BDH2: variants seen among roughly 807,000 people sequenced by gnomAD.
BDH2 encodes the protein dehydrogenase/reductase SDR family member 6.
BDH2 carries 24 observed loss-of-function variants against 33.2 expected under a neutral mutation model. The observed-to-expected ratio is 0.72, with a 90% CI of 0.52 to 1.02. BDH2 has a LOEUF of 1.02. BDH2 is among the 50% of genes least tolerant of loss of function. The pLI, the probability that BDH2 is intolerant of heterozygous loss-of-function variation, is 0.00. For synonymous variants in BDH2, 81 were observed against 101.6 expected (o/e 0.80, Z 1.22); for missense variants, 249 against 301.6 (o/e 0.83, Z 1.29).
rs1006949133 is a variant in BDH2 at position 103,091,274 on chromosome 4, T to G, written c.260A>C (p.His87Pro). 1.9e-6 allele frequency: 3 copies of G among 1,610,610 alleles called. No homozygotes were observed. Among genetic ancestry groups the G allele is most frequent in the Non-Finnish European group, 2.5e-6 (3 of 1,177,076 alleles). ...CTCCTCACAATCCAGGACAGTTCCA[T>G]GATGGACAAAACTAGAAGAGTGATT... ...VLFNVAGFVH[H>P]GTVLDCEEKD... The change falls in exon 5 of 10, where the codon CAT becomes CCT. Residue 87 changes from histidine to proline, a missense_variant. Coordinates refer to ENST00000296424, the MANE Select transcript of BDH2 (RefSeq NM_020139.4).
chr4:103,083,011 C>G, intron 7 of BDH2, 82 bp from the exon 8 acceptor site: 1 of 1,248,674 alleles, frequency 8.0e-7, no homozygotes, highest in Non-Finnish European at 1.2e-6. Context: ...TTCCATATGA[C>G]AATCAGTGAG....
chr4:103,096,318 C>G, intron 1 of BDH2, 44 bp from the exon 2 acceptor site: 3 of 1,260,936 alleles, frequency 2.4e-6, no homozygotes, highest in Non-Finnish European at 3.5e-6. Flanking sequence ...AGAACATGAT[C>G]TTGAGCAGGC....
chr4:103,095,116 A>T, intron 3 of BDH2, 87 bp downstream of exon 3: 1 of 998,252 alleles, frequency 1.0e-6, no homozygotes, highest in Non-Finnish European at 1.6e-6. Flanking sequence ...CTCAGTAGCT[A>T]GGGAATTTTC....
At chr4:103,096,122 A>T in intron 2 of BDH2, 61 bp downstream of exon 2, 1 of 1,258,900 alleles carries the variant, frequency 7.9e-7, no homozygotes, top group South Asian at 1.3e-5. Context: ...GCATCAGTCC[A>T]CATAATTCAA....
At chr4:103,086,860 T>A (rs1747819493) in intron 5 of BDH2, among the ~76,000 whole-genome samples, 1 of 152,214 alleles carries the variant, frequency 6.6e-6, no homozygotes, top group Non-Finnish European at 1.5e-5. Flanking sequence ...TGTTATTGTG[T>A]GTTACTGATG....
intron 6 of BDH2, chr4:103,085,842 A>G (rs1747753607): frequency 1.6e-6 from 2 of 1,263,310 alleles, no homozygotes; most frequent in Non-Finnish European, 2.0e-6. Flanking sequence ...GTGTATGTTG[A>G]ATATGTGTAT....
In BDH2 at chr4:103,078,910, G is replaced by A. The variant is rs184947722; in HGVS notation, c.*792C>T. 1.1e-3 allele frequency among the ~76,000 whole-genome samples: 174 copies of A among 152,142 alleles called. 2 individuals carry two copies. The highest frequency in any genetic ancestry group is 3.8e-3 in the African/African-American group (156 of 41,516). ...CCATGCTGGTCCTGAACTCCTGGCC[G>A]CAAGTGATCCTCCTGCCTTGGCCTC... On this transcript the variant is annotated 3_prime_UTR_variant, in exon 10 of 10. Transcript: ENST00000296424.
At chr4:103,084,967 C>A (rs1747705717) in intron 7 of BDH2, among the ~76,000 whole-genome samples, 1 of 152,174 alleles carries the variant, frequency 6.6e-6, no homozygotes. Context: ...CCTGGATATG[C>A]AATCATTTCT....
chr4:103,091,491 C>G (rs751866362), intron 4 of BDH2: 21 of 472,516 alleles, frequency 4.4e-5, no homozygotes, highest in Non-Finnish European at 8.1e-5. Flanking sequence ...AAAACAAGAT[C>G]CTTGTTTTCC....
At chr4:103,082,680 CCAAGCA>C (rs1747580056) in intron 8 of BDH2, among the ~76,000 whole-genome samples, 185 bp downstream of exon 8, 1 of 152,106 alleles carries the variant, frequency 6.6e-6, no homozygotes, top group Non-Finnish European at 1.5e-5. Flanking sequence ...CCTCAGCTTC[CCAAGCA>C]GAACTCTTTT....
intron 5 of BDH2, among the ~76,000 whole-genome samples, chr4:103,088,334 T>C (rs1049510120): frequency 6.6e-6 from 1 of 152,242 alleles, no homozygotes; most frequent in Non-Finnish European, 1.5e-5. Context: ...TGGGTTATTA[T>C]GTAGGTTCAA....
chr4:103,082,636 T>A (rs762505122), intron 8 of BDH2, among the ~76,000 whole-genome samples: 49 of 152,070 alleles, frequency 3.2e-4, no homozygotes, highest in Non-Finnish European at 6.8e-4. Context: ...CTCACTGTTG[T>A]ACCTCAAACT....
intron 3 of BDH2, among the ~76,000 whole-genome samples, chr4:103,094,284 G>A (rs1237332211): frequency 6.6e-6 from 1 of 152,128 alleles, no homozygotes; most frequent in South Asian, 2.1e-4. Flanking sequence ...TAAAGATTTA[G>A]TATGAAAATA....
At chr4:103,087,248 C>A (rs1747837626) in intron 5 of BDH2, among the ~76,000 whole-genome samples, 2 of 152,090 alleles carry the variant, frequency 1.3e-5, no homozygotes, top group Admixed American at 1.3e-4. Context: ...GGTGTGGAAG[C>A]AATGAGGCTG....
chr4:103,086,777 C>T (rs966803030), intron 5 of BDH2, among the ~76,000 whole-genome samples: 1 of 152,162 alleles, frequency 6.6e-6, no homozygotes, highest in African/African-American at 2.4e-5. Flanking sequence ...GGGGGATTAC[C>T]ACCTTCCCAT....
Position 103,078,617 on chromosome 4 carries a change from A to T in BDH2, c.*1085T>A, listed in dbSNP as rs535863450. On this transcript the variant is annotated 3_prime_UTR_variant, in exon 10 of 10. Transcript: ENST00000296424. ...TATCGTTTTGAGGCTGAACTCCTTT[A>T]CTCCTTTTACTGTAAGCTATTGAAG... is the stretch of plus-strand genomic sequence containing the variant. 2.0e-5 allele frequency among the ~76,000 whole-genome samples: 3 copies of T among 152,010 alleles called. No individual in the cohort carries two copies. The highest frequency in any genetic ancestry group is 4.4e-5 in the Non-Finnish European group (3 of 68,002).
At chr4:103,099,263 T>C (rs1163543418) in intron 1 of BDH2, 2 of 152,204 alleles carry the variant, frequency 1.3e-5, no homozygotes, top group Non-Finnish European at 2.9e-5. Context: ...GCAGCCTTTC[T>C]ATGCACTCTG....
rs1747765577 is a variant in BDH2, at chr4:103,086,064, T to A, written c.418+416A>T. 11 of 1,142,888 alleles carry A rather than the reference T, an allele frequency of 9.6e-6. No individual in the cohort carries two copies. The South Asian group carries it at 2.2e-4, about 23-fold the overall frequency. The allele number at this position is 1,142,888 out of a possible 1,614,324, so 70.8% of individuals were successfully genotyped here. On this transcript the variant is annotated intron_variant, in intron 6 of 9. Transcript: ENST00000296424. ...TTCCCTGTATTTTGACAGCGCTTTGTACAAACCTCTGTTATATATCATCAC... is the reference window on the plus strand; with the variant it reads ...TTCCCTGTATTTTGACAGCGCTTTGAACAAACCTCTGTTATATATCATCAC...
chr4:103,082,999 C>T (rs1747599000), intron 7 of BDH2, 70 bp from the exon 8 acceptor site: 1 of 1,342,294 alleles, frequency 7.4e-7, no homozygotes, highest in Middle Eastern at 1.8e-4. Flanking sequence ...ACTAAACTTC[C>T]TTTCCATATG....
Sources: gnomAD v4.1 joint callset for allele counts (sites outside exome capture counted in the v4.1 genomes callset) on GRCh38, gnomAD v4.1.1 for gene constraint, MANE v1.5 for transcripts, NCBI Gene and HGNC (gene_info 2026-07-23, HGNC 2026-07-21) for gene names.